The following KLHL32 variants were observed in gnomAD, a reference collection of about 807,000 sequenced individuals.
KLHL32 encodes the protein kelch-like protein 32.
A neutral mutation model predicts 64.8 loss-of-function variants in KLHL32; 35 were observed. The observed-to-expected ratio is 0.54, with a 90% confidence interval of 0.41 to 0.72. The LOEUF is 0.72. Among genes scored for constraint, KLHL32 ranks in the 30% least tolerant of loss-of-function variants. The pLI is 0.00. For synonymous variants in KLHL32, 259 were observed against 281.0 expected (o/e 0.92, Z 0.78); for missense variants, 589 against 768.5 (o/e 0.77, Z 2.76).
At chr6:97,015,741 A>G (rs377000276) in intron 3 of KLHL32, among the ~76,000 whole-genome samples, 4 of 152,188 alleles carry the variant, frequency 2.6e-5, no homozygotes, top group East Asian at 1.9e-4. Flanking sequence ...TGCCAAGACC[A>G]TGGGGAAAAT....
chr6:97,033,619 G>A (rs1783897450), intron 3 of KLHL32, among the ~76,000 whole-genome samples: 1 of 151,806 alleles, frequency 6.6e-6, no homozygotes, highest in Non-Finnish European at 1.5e-5. Context: ...TCCCATAATG[G>A]CTGTACCAAT....
the KLHL32 span, among the ~76,000 whole-genome samples, chr6:96,899,335 A>G: frequency 1.3e-5 from 2 of 152,104 alleles, no homozygotes; most frequent in Non-Finnish European, 1.5e-5. Flanking sequence ...TTCTATTTCT[A>G]TGGGTGCTAA....
intron 4 of KLHL32, among the ~76,000 whole-genome samples, chr6:97,060,373 T>G (rs1278709570): frequency 6.6e-6 from 1 of 152,152 alleles, no homozygotes; most frequent in Non-Finnish European, 1.5e-5. Flanking sequence ...GGACATCTGA[T>G]GATCCAGGAG....
intron 1 of KLHL32, among the ~76,000 whole-genome samples, chr6:96,931,460 G>A (rs1769881590): frequency 6.6e-6 from 1 of 152,172 alleles, no homozygotes; most frequent in South Asian, 2.1e-4. Flanking sequence ...CATAGACTGA[G>A]CTAAGCTTTG....
At chr6:97,071,463 C>T (rs1422963552) in intron 5 of KLHL32, among the ~76,000 whole-genome samples, 2 of 152,210 alleles carry the variant, frequency 1.3e-5, no homozygotes, top group Non-Finnish European at 2.9e-5. Flanking sequence ...TCTGCATGGG[C>T]ACCCTTCCCT....
At chr6:97,074,773 C>G (rs1791331422) in intron 5 of KLHL32, among the ~76,000 whole-genome samples, 1 of 151,724 alleles carries the variant, frequency 6.6e-6, no homozygotes, top group South Asian at 2.1e-4. Context: ...CATTTTTAAA[C>G]TGATTTTGCC....
At chr6:96,920,198 A>G (rs922694383), upstream of KLHL32, among the ~76,000 whole-genome samples, 1 of 152,152 alleles carries the variant, frequency 6.6e-6, no homozygotes, top group Non-Finnish European at 1.5e-5. Flanking sequence ...GGTCAAGGAA[A>G]ATCCTTGGAG....
chr6:96,912,352 T>C, the KLHL32 span, among the ~76,000 whole-genome samples: 1 of 152,168 alleles, frequency 6.6e-6, no homozygotes, highest in Admixed American at 6.5e-5. Flanking sequence ...AGATAAACCT[T>C]GCTTCTCAGT....
At chr6:97,025,131 C>T (rs527916605) in intron 3 of KLHL32, 9 of 983,296 alleles carry the variant, frequency 9.2e-6, no homozygotes, top group South Asian at 9.4e-5. Context: ...GACATCTGAT[C>T]CTGTGAGCCT....
rs758425581 is a variant in KLHL32 at position 96,975,998 on chromosome 6, A to G, written c.25A>G (p.Ile9Val). Residue 9 changes from isoleucine (I) to valine (V), a missense_variant and splice_region_variant, in exon 3 of 11, where the codon ATT becomes GTT. Physicochemically the swap from Ile to Val is conservative, Grantham distance 29. Around this residue, in one of 3 missense-constraint regions of KLHL32, gnomAD observed 191 missense variants for 223.3 expected, o/e 0.86. Coordinates refer to ENST00000369261, the MANE Select transcript of KLHL32 (RefSeq NM_052904.4). MPSERCLS[I>V]QEMLTGQRLC... ...TGACTTGATTGCTCTCCTTTGTAGTATTCAAGAAATGCTGACAGGCCAGAG... is the reference window on the plus strand; with the variant it reads ...TGACTTGATTGCTCTCCTTTGTAGTGTTCAAGAAATGCTGACAGGCCAGAG... 20 of 1,568,738 alleles carry G rather than the reference A, an allele frequency of 1.3e-5. No homozygotes were observed. The South Asian group carries it at 2.1e-4, about 16-fold the overall frequency.
chr6:97,119,249 C>G (rs912756916), intron 7 of KLHL32, among the ~76,000 whole-genome samples: 1 of 152,156 alleles, frequency 6.6e-6, no homozygotes, highest in Non-Finnish European at 1.5e-5. Flanking sequence ...CCCTCTCTAT[C>G]CCCTACTGCT....
intron 3 of KLHL32, among the ~76,000 whole-genome samples, chr6:97,018,953 G>A (rs987306356): frequency 3.9e-5 from 6 of 152,118 alleles, no homozygotes; most frequent in African/African-American, 1.4e-4. Context: ...AATGTAGACG[G>A]AAGATATGGA....
intron 3 of KLHL32, among the ~76,000 whole-genome samples, chr6:97,036,313 A>G (rs534991803): frequency 1.3e-5 from 2 of 152,234 alleles, no homozygotes; most frequent in African/African-American, 4.8e-5. Flanking sequence ...TATGTGTTCA[A>G]TGATAATTTC....
chr6:96,927,868 G>C (rs1331029556), intron 1 of KLHL32, among the ~76,000 whole-genome samples: 1 of 152,294 alleles, frequency 6.6e-6, no homozygotes, highest in African/African-American at 2.4e-5. Context: ...GCTCCTGGCA[G>C]CGTCCACTTT....
intron 1 of KLHL32, among the ~76,000 whole-genome samples, chr6:96,957,376 TA>T (rs1183245864): frequency 3.3e-5 from 5 of 152,288 alleles, no homozygotes; most frequent in African/African-American, 4.8e-5. Flanking sequence ...ACTTTCTAAT[TA>T]AAATAATTAC....
intron 1 of KLHL32, among the ~76,000 whole-genome samples, chr6:96,938,027 GT>G (rs1291542683): frequency 6.6e-6 from 1 of 152,112 alleles, no homozygotes; most frequent in Admixed American, 6.5e-5. Flanking sequence ...ACAACCTTTA[GT>G]GTTATGTATT....
At chr6:96,912,682 A>C in the KLHL32 span, among the ~76,000 whole-genome samples, 4 of 152,230 alleles carry the variant, frequency 2.6e-5, no homozygotes, top group Non-Finnish European at 4.4e-5. Context: ...AAACTGAAAC[A>C]TACAAGGTAC....
chr6:97,057,163 TGTGA>T (rs1462502616), intron 4 of KLHL32, among the ~76,000 whole-genome samples: 3 of 141,294 alleles, frequency 2.1e-5, no homozygotes, highest in Non-Finnish European at 4.5e-5. Flanking sequence ...AGTTTTCCTA[TGTGA>T]GTATCTTTTT....
intron 3 of KLHL32, among the ~76,000 whole-genome samples, chr6:97,011,158 C>T (rs1465100446): frequency 4.6e-5 from 7 of 152,152 alleles, no homozygotes; most frequent in Non-Finnish European, 1.0e-4. Context: ...TCATTTATCT[C>T]TTGTCTAGCC....
Sources: gnomAD v4.1 joint callset for allele counts (sites outside exome capture counted in the v4.1 genomes callset) on GRCh38, gnomAD v4.1.1 for gene constraint, gnomAD v4.1.1 regional missense constraint, MANE v1.5 for transcripts, NCBI Gene and HGNC (gene_info 2026-07-23, HGNC 2026-07-21) for gene names.